The following SIRPG variants were observed in gnomAD, a reference collection of about 807,000 sequenced individuals.
SIRPG encodes signal-regulatory protein gamma.
A neutral mutation model predicts 35.7 loss-of-function variants in SIRPG; 38 were observed. The ratio of observed to expected loss-of-function variants is 1.06; its 90% CI spans 0.82 to 1.40. SIRPG has a LOEUF of 1.40. SIRPG is among the 40% of genes most tolerant of loss of function. The pLI is 0.00. For missense variants in SIRPG, 519 were observed against 483.0 expected (o/e 1.07, Z -0.70); for synonymous variants, 215 against 190.4 (o/e 1.13, Z -1.06).
chr20:1,654,031 C>T (rs2091959470), intron 1 of SIRPG, among the ~76,000 whole-genome samples: 1 of 151,994 alleles, frequency 6.6e-6, no homozygotes, highest in South Asian at 2.1e-4. Context: ...CGAGGTTAGG[C>T]AATCGAGACC....
the SIRPG span, among the ~76,000 whole-genome samples, chr20:1,685,990 A>G: frequency 6.6e-4 from 101 of 152,332 alleles, 1 homozygote; most frequent in Middle Eastern, 3.4e-3. Context: ...GGGGCAGCAG[A>G]AGGGTTCCCA....
At chr20:1,660,408 CT>C (rs1212048006), upstream of SIRPG, among the ~76,000 whole-genome samples, 2 of 152,022 alleles carry the variant, frequency 1.3e-5, no homozygotes, top group African/African-American at 4.8e-5. Context: ...TCCTATTGCT[CT>C]ATTTTTACCT....
At chr20:1,667,788 A>T in the SIRPG span, among the ~76,000 whole-genome samples, 3 of 152,358 alleles carry the variant, frequency 2.0e-5, no homozygotes, top group African/African-American at 7.2e-5. Context: ...TGTGTTTTTT[A>T]CTATTATAAT....
At chr20:1,650,956 A>G (rs1301030725) in intron 1 of SIRPG, among the ~76,000 whole-genome samples, 2 of 152,222 alleles carry the variant, frequency 1.3e-5, no homozygotes, top group African/African-American at 4.8e-5. Context: ...CAGAGGGATG[A>G]TATGTTCAAA....
At chr20:1,640,412 C>T (rs1478703535) in intron 2 of SIRPG, among the ~76,000 whole-genome samples, 1 of 152,062 alleles carries the variant, frequency 6.6e-6, no homozygotes, top group African/African-American at 2.4e-5. Context: ...CTCTGCTTGT[C>T]TATTGTTGGT....
chr20:1,664,159 C>T, the SIRPG span, among the ~76,000 whole-genome samples: 7 of 152,270 alleles, frequency 4.6e-5, no homozygotes, highest in Non-Finnish European at 5.9e-5. Context: ...TTACTGCAGA[C>T]GGCACCAAGT....
chr20:1,684,395 T>TAC, the SIRPG span, among the ~76,000 whole-genome samples: 1 of 101,716 alleles, frequency 9.8e-6, no homozygotes, highest in African/African-American at 3.8e-5. Flanking sequence ...TAGTCACTTA[T>TAC]ACACACATAT....
chr20:1,650,938 T>C (rs2318045), intron 1 of SIRPG, among the ~76,000 whole-genome samples: 51,676 of 151,890 alleles, frequency 0.34, 9,378 homozygotes, highest in East Asian at 0.62. Context: ...GTATTGGAGG[T>C]CAGAAGACAG....
intron 4 of SIRPG, chr20:1,630,779 C>G (rs892869694): frequency 6.4e-6 from 1 of 156,282 alleles, no homozygotes; most frequent in Non-Finnish European, 1.4e-5. Context: ...TTCCTAGGGA[C>G]ATTTTAATGA....
the SIRPG span, among the ~76,000 whole-genome samples, chr20:1,685,850 G>T: frequency 6.6e-6 from 1 of 152,118 alleles, no homozygotes; most frequent in Non-Finnish European, 1.5e-5. Context: ...TCAGGGTGCT[G>T]AACAGAGGGC....
intron 4 of SIRPG, among the ~76,000 whole-genome samples, chr20:1,634,815 G>C (rs1022707227): frequency 1.3e-5 from 2 of 151,832 alleles, no homozygotes; most frequent in Admixed American, 6.6e-5. Context: ...AGGCTGAGGC[G>C]GGCGGATCAC....
At chr20:1,664,049 C>T in the SIRPG span, among the ~76,000 whole-genome samples, 2 of 152,188 alleles carry the variant, frequency 1.3e-5, no homozygotes, top group Non-Finnish European at 2.9e-5. Context: ...GCTGGCATCA[C>T]ATGGTGAGAG....
chr20:1,635,147 G>A (rs1222976436), intron 4 of SIRPG, 120 bp downstream of exon 4: 2 of 748,934 alleles, frequency 2.7e-6, no homozygotes, highest in East Asian at 5.4e-5. Flanking sequence ...TGGGGGGATG[G>A]AGCTGACATT....
chr20:1,635,337 C>A lies in SIRPG; in HGVS notation c.1011G>T (p.Leu337=). The A allele has an allele frequency of 3.1e-6, 5 of 1,614,222 alleles. No individual in the cohort carries two copies. The highest frequency in any genetic ancestry group is 4.2e-6 in the Non-Finnish European group (5 of 1,180,032). ...LTCQVKHDGQ[L]AVSKRLALEV... ...CTAGGGCAAGGCGTTTGCTGACCGC[C>A]AGCTGCCCATCATGCTTCACCTGGC... Residue 337 remains leucine (L), a synonymous_variant, in exon 4 of 6, where the codon CTG becomes CTT. Coordinates refer to ENST00000303415, the MANE Select transcript of SIRPG (RefSeq NM_018556.4).
the SIRPG span, among the ~76,000 whole-genome samples, chr20:1,671,585 AAGT>A: frequency 1.3e-5 from 2 of 152,118 alleles, no homozygotes; most frequent in Non-Finnish European, 2.9e-5. Context: ...GATACATAGA[AAGT>A]ATAGAGGTGT....
the SIRPG span, among the ~76,000 whole-genome samples, chr20:1,673,779 G>T: frequency 6.6e-6 from 1 of 152,174 alleles, no homozygotes; most frequent in Admixed American, 6.5e-5. Context: ...GAAGCATTTT[G>T]GAAGGAATAG....
chr20:1,646,370 C>T (rs1479586548), intron 2 of SIRPG: 3 of 152,344 alleles, frequency 2.0e-5, no homozygotes, highest in Non-Finnish European at 2.9e-5. Context: ...CCCCACGCAC[C>T]CCGTAGGAAA....
chr20:1,657,444 C>G (rs2091981957), intron 1 of SIRPG, among the ~76,000 whole-genome samples, 198 bp downstream of exon 1: 1 of 152,204 alleles, frequency 6.6e-6, no homozygotes, highest in Admixed American at 6.5e-5. Context: ...AGAAGCCTCA[C>G]AAGGTTTGAT....
rs1186371057 is a variant in SIRPG at position 1,630,216 on chromosome 20, A to G, written c.*2+6T>C. On this transcript the variant is annotated splice_donor_region_variant and intron_variant, in intron 5 of 5. Transcript: ENST00000303415. ...CCTTGGTCTGTCCTCCCTTCCTTGT[A>G]CTTACAGTCAGGTCTTCTGCTTCCA... 6.4e-7 allele frequency: 1 copy of G among 1,554,860 alleles called. No individual in the cohort carries two copies.
Sources: allele counts gnomAD v4.1 joint callset (sites outside exome capture counted in the v4.1 genomes callset), GRCh38; gene constraint gnomAD v4.1.1; transcripts MANE v1.5; gene names NCBI Gene and HGNC (gene_info 2026-07-23, HGNC 2026-07-21).